Variants in KIAA1549L observed in about 807,000 individuals in gnomAD.
KIAA1549L encodes KIAA1549 like.
Under a neutral mutation model 160.7 loss-of-function variants are expected in KIAA1549L, and 88 were observed. That is an observed-to-expected ratio of 0.55 (90% CI 0.46 to 0.65). The LOEUF is 0.65. KIAA1549L is among the 30% of genes least tolerant of loss of function. KIAA1549L has a pLI of 0.00. For missense variants in KIAA1549L, 2,258 were observed against 2,437.5 expected, an observed-to-expected ratio of 0.93 and a Z score of 1.55; for synonymous variants, 950 against 976.7, an observed-to-expected ratio of 0.97 and a Z score of 0.51.
chr11:33,659,809 G>A (rs1327968860), intron 19 of KIAA1549L, among the ~76,000 whole-genome samples: 2 of 152,250 alleles, frequency 1.3e-5, no homozygotes, highest in Non-Finnish European at 2.9e-5. Context: ...GGATGGGGGA[G>A]TTGGACCACC....
chr11:33,614,588 T>A (rs796185379), intron 15 of KIAA1549L, among the ~76,000 whole-genome samples: 489 of 33,588 alleles, frequency 0.015, 7 homozygotes, highest in South Asian at 0.054. Context: ...ATATATATTT[T>A]TTTTTTTTTT....
At chr11:33,570,433 C>T (rs992265628) in intron 9 of KIAA1549L, among the ~76,000 whole-genome samples, 2 of 126,014 alleles carry the variant, frequency 1.6e-5, no homozygotes, top group African/African-American at 6.0e-5. Flanking sequence ...TGTAACATAC[C>T]CTTAAGGAAA....
At chr11:33,587,870 G>A (rs1006100870) in intron 11 of KIAA1549L, among the ~76,000 whole-genome samples, 4 of 152,192 alleles carry the variant, frequency 2.6e-5, no homozygotes, top group Non-Finnish European at 5.9e-5. Flanking sequence ...CTCACAGACA[G>A]GCCAGGAGTG....
intron 1 of KIAA1549L, among the ~76,000 whole-genome samples, chr11:33,513,128 G>C (rs1853264060): frequency 6.6e-6 from 1 of 152,206 alleles, no homozygotes; most frequent in Admixed American, 6.5e-5. Context: ...TGTCAGCTGG[G>C]AAGCTTTCCT....
Position 33,559,801 on chromosome 11 carries a change from G to T in KIAA1549L, c.3908G>T (p.Gly1303Val), listed in dbSNP as rs747163814. 3 of 1,613,962 alleles carry T rather than the reference G, an allele frequency of 1.9e-6. No individual in the cohort carries two copies. In the South Asian group the frequency reaches 3.3e-5, roughly 18 times the overall value. ...SQAVTLVYVV[G>V]NQSTFLNGTV... Reference sequence around the variant, plus strand: ...GCAGTCACCTTGGTGTACGTCGTGGGCAATCAGAGCACATTCCTCAACGGC... The same window carrying T: ...GCAGTCACCTTGGTGTACGTCGTGGTCAATCAGAGCACATTCCTCAACGGC... The change falls in exon 7 of 21, where the codon GGC (glycine) becomes GTC (valine). Residue 1303 changes from glycine (G) to valine (V), a missense_variant. Physicochemically the swap from Gly to Val is moderately radical, Grantham distance 109. This residue lies in a region of KIAA1549L where 1,359 missense variants were observed against 1,546.6 expected (regional missense o/e 0.88). Transcript: ENST00000658780.
chr11:33,466,264 C>T (rs538382685), intron 1 of KIAA1549L, among the ~76,000 whole-genome samples: 27 of 152,206 alleles, frequency 1.8e-4, no homozygotes, highest in Non-Finnish European at 2.5e-4. Context: ...AGAACTTAAA[C>T]GAGTTTACAA....
intron 1 of KIAA1549L, among the ~76,000 whole-genome samples, chr11:33,380,550 G>A (rs1483960589): frequency 2.0e-5 from 3 of 152,092 alleles, no homozygotes; most frequent in South Asian, 2.1e-4. Flanking sequence ...TATCAGGTCC[G>A]CTTGATCCAG....
chr11:33,396,197 A>G (rs955925762), intron 1 of KIAA1549L, among the ~76,000 whole-genome samples: 1 of 152,166 alleles, frequency 6.6e-6, no homozygotes, highest in African/African-American at 2.4e-5. Flanking sequence ...TGCATGAAGT[A>G]TGTCCTATTA....
In KIAA1549L at chr11:33,457,660, A is replaced by G. The variant is rs149299632; in HGVS notation, c.238+80771A>G. Among the ~76,000 whole-genome samples, 603 of 152,332 alleles carry G rather than the reference A, an allele frequency of 4.0e-3. 4 individuals are homozygous for G. Among genetic ancestry groups the G allele is most frequent in the African/African-American group, 0.014 (565 of 41,564 alleles). ...ATGCTCATCCTGGTGTTTCCACAGC[A>G]TTCATTTAACAAGCATTCATTGAGC... On this transcript the variant is annotated intron_variant, in intron 1 of 20. Transcript: ENST00000658780.
intron 1 of KIAA1549L, among the ~76,000 whole-genome samples, chr11:33,470,967 T>TGTTAGGTG (rs1408745740): frequency 1.4e-4 from 22 of 152,264 alleles, no homozygotes; most frequent in African/African-American, 4.6e-4. Context: ...TTTAGTGATT[T>TGTTAGGTG]GTTAGGTGTT....
intron 1 of KIAA1549L, among the ~76,000 whole-genome samples, chr11:33,464,533 CA>C (rs1052899595): frequency 1.4e-4 from 20 of 143,288 alleles, no homozygotes; most frequent in South Asian, 7.8e-4. Flanking sequence ...TGCCCCCCCC[CA>C]CACACGCATT....
At chr11:33,655,289 C>T (rs994339517) in intron 17 of KIAA1549L, among the ~76,000 whole-genome samples, 1 of 152,168 alleles carries the variant, frequency 6.6e-6, no homozygotes, top group African/African-American at 2.4e-5. Context: ...ACCTGATCTT[C>T]TCAGCAGCCC....
At chr11:33,579,519 T>C (rs1855565327) in intron 10 of KIAA1549L, among the ~76,000 whole-genome samples, 1 of 152,064 alleles carries the variant, frequency 6.6e-6, no homozygotes, top group African/African-American at 2.4e-5. Context: ...TTCTCTCCTG[T>C]AGTCCTCTGG....
chr11:33,624,018 C>G (rs1280274359), intron 16 of KIAA1549L, among the ~76,000 whole-genome samples: 1 of 152,154 alleles, frequency 6.6e-6, no homozygotes, highest in Non-Finnish European at 1.5e-5. Context: ...CCACTTCTTT[C>G]AGGCCAGGGT....
At chr11:33,443,939 C>T (rs1334675272) in intron 1 of KIAA1549L, among the ~76,000 whole-genome samples, 2 of 152,174 alleles carry the variant, frequency 1.3e-5, no homozygotes, top group African/African-American at 4.8e-5. Flanking sequence ...GCAGTCTTCT[C>T]ATCTGTATTT....
At chr11:33,459,974 A>AAAAAAAAAG (rs1851909196) in intron 1 of KIAA1549L, among the ~76,000 whole-genome samples, 1 of 149,438 alleles carries the variant, frequency 6.7e-6, no homozygotes, top group East Asian at 1.9e-4. Context: ...AAAAAAAAAA[A>AAAAAAAAAG]AAAGAAATAG....
chr11:33,519,621 A>G (rs937290160), intron 1 of KIAA1549L, among the ~76,000 whole-genome samples: 13 of 152,246 alleles, frequency 8.5e-5, no homozygotes, highest in Non-Finnish European at 8.8e-5. Context: ...AGCTGTGCAT[A>G]TATAATGATA....
intron 1 of KIAA1549L, among the ~76,000 whole-genome samples, chr11:33,506,752 A>T (rs113684170): frequency 6.6e-6 from 1 of 152,104 alleles, no homozygotes. Context: ...AACAAAAAAC[A>T]TTCAGATGAA....
At chr11:33,479,731 G>A (rs1423293238) in intron 1 of KIAA1549L, among the ~76,000 whole-genome samples, 3 of 152,130 alleles carry the variant, frequency 2.0e-5, no homozygotes, top group African/African-American at 4.8e-5. Flanking sequence ...TGAGGGGTGC[G>A]TTTTTAGCAG....
Sources: gnomAD v4.1 joint callset for allele counts (sites outside exome capture counted in the v4.1 genomes callset) on GRCh38, gnomAD v4.1.1 for gene constraint, gnomAD v4.1.1 regional missense constraint, MANE v1.5 for transcripts, NCBI Gene and HGNC (gene_info 2026-07-23, HGNC 2026-07-21) for gene names.